The following RLN1 variants were observed in gnomAD, a reference collection of about 807,000 sequenced individuals.
RLN1 encodes the protein prorelaxin H1.
Under a neutral mutation model 7.2 loss-of-function variants are expected in RLN1, and 4 were observed. That is an observed-to-expected ratio of 0.56 (90% CI 0.28 to 1.28). The LOEUF (loss-of-function observed/expected upper bound fraction) is 1.28, where lower values mean the gene tolerates loss of function less well. Ranked by LOEUF, RLN1 falls within the 50% of genes most tolerant of loss-of-function variation. The pLI is 0.11. For missense variants in RLN1, 293 were observed against 221.1 expected (o/e 1.32, Z -2.06); for synonymous variants, 105 against 86.0 (o/e 1.22, Z -1.22).
At chr9:5,338,308 A>C (rs1218901858) in intron 1 of RLN1, among the ~76,000 whole-genome samples, 4 of 20,566 alleles carry the variant, frequency 1.9e-4, no homozygotes, top group African/African-American at 8.0e-4. Context: ...CTAATGTTAT[A>C]CAAAAGTCAT....
chr9:5,337,395 T>C (rs545306204), intron 1 of RLN1, among the ~76,000 whole-genome samples: 3 of 152,222 alleles, frequency 2.0e-5, no homozygotes, highest in East Asian at 1.9e-4. Context: ...ATAACACTTT[T>C]AGCTATGGAA....
intron 1 of RLN1, among the ~76,000 whole-genome samples, chr9:5,337,411 G>A (rs189335516): frequency 6.6e-6 from 1 of 151,986 alleles, no homozygotes; most frequent in East Asian, 1.9e-4. Flanking sequence ...TGGAACCTAG[G>A]CTCAGAGAAA....
upstream of RLN1, chr9:5,339,980 T>C (rs1422185617): frequency 2.5e-5 from 14 of 570,364 alleles, no homozygotes; most frequent in Non-Finnish European, 3.8e-5. Flanking sequence ...GTTCTGCCTC[T>C]CCGCCCTTCC....
At chr9:5,339,158 C>T in intron 1 of RLN1, 1 of 169,558 alleles carries the variant, frequency 5.9e-6, no homozygotes, top group East Asian at 1.5e-4. Context: ...CCTGGCTTTC[C>T]TGTGGGGTGC....
At position 5,335,475 on chromosome 9, in the gene RLN1, G is replaced by A. The variant is rs1305485749; in HGVS notation, c.334C>T (p.Leu112=). The A allele has an allele frequency of 6.2e-7, 1 of 1,613,260 alleles. No homozygotes were observed. The highest frequency in any genetic ancestry group is 8.5e-7 in the Non-Finnish European group (1 of 1,179,496). ...TTTAATGCAGGTACATACTGCTGTA[G>A]CTCTGGTAATGATGGTTGCCTCTCA... is the stretch of plus-strand genomic sequence containing the variant. The part of the protein sequence containing the change: ...LSERQPSLPE[L]QQYVPALKDS... Residue 112 remains leucine (L), a synonymous_variant, in exon 2 of 2, where the codon CTA becomes TTA. Coordinates refer to ENST00000223862, the MANE Select transcript of RLN1 (RefSeq NM_006911.4).
rs572471613 is a variant in RLN1, at chr9:5,335,286, C to A, written c.523G>T (p.Gly175Cys). 1.9e-6 allele frequency: 3 copies of A among 1,600,396 alleles called. No homozygotes were observed. In the East Asian group the frequency reaches 6.7e-5, roughly 36 times the overall value. ...TTAGCAAGAGACCTTTTGGTACAAC[C>A]AATTAGGCAACATTTCTCAAACAGT... ...VALFEKCCLIGCTKRSLAKYC is the reference protein window; with the variant it reads ...VALFEKCCLICCTKRSLAKYC Residue 175 changes from glycine to cysteine, a missense_variant, in exon 2 of 2, where the codon GGT (glycine) becomes TGT (cysteine). Physicochemically the swap from Gly to Cys is radical, Grantham distance 159 (BLOSUM62 -3). Coordinates refer to ENST00000223862, the MANE Select transcript of RLN1 (RefSeq NM_006911.4).
chr9:5,335,328 T>A lies in RLN1; in HGVS notation c.481A>T (p.Arg161Ter). 1 of 1,612,402 alleles carries A rather than the reference T, an allele frequency of 6.2e-7. No homozygotes were observed. The highest frequency in any genetic ancestry group is 1.1e-5 in the South Asian group (1 of 90,610). The change falls in exon 2 of 2, where the codon AGA becomes TGA. Residue 161 changes from arginine (R) to a stop codon, truncating the protein, a stop_gained. Coordinates refer to ENST00000223862, the MANE Select transcript of RLN1 (RefSeq NM_006911.4). LOFTEE classifies it low-confidence loss of function (END_TRUNC). ...TCAAACAGTGCCACGTAGGGTCGTC[T>A]CTTTTTTTGAGAATGAGTATCCAAG... ...LGLDTHSQKK[R>*]RPYVALFEKC... is the part of the protein sequence containing the mutation.
upstream of RLN1, among the ~76,000 whole-genome samples, chr9:5,340,611 T>C (rs183765543): frequency 4.9e-3 from 741 of 152,200 alleles, 4 homozygotes; most frequent in South Asian, 0.023. Flanking sequence ...AGAAATAATA[T>C]TTTGATAACA....
rs567396544 is a variant in RLN1 at position 5,335,325 on chromosome 9, G to A, written c.484C>T (p.Arg162Ter). The A allele has an allele frequency of 4.6e-5, 74 of 1,611,846 alleles. No individual in the cohort carries two copies. Among genetic ancestry groups the A allele is most frequent in the African/African-American group, 5.4e-5 (4 of 74,544 alleles). ...GLDTHSQKKRRPYVALFEKCC... is the reference protein window; with the variant it reads ...GLDTHSQKKR ...TTCTCAAACAGTGCCACGTAGGGTCGTCTCTTTTTTTGAGAATGAGTATCC... is the reference window on the plus strand; with the variant it reads ...TTCTCAAACAGTGCCACGTAGGGTCATCTCTTTTTTTGAGAATGAGTATCC... The change falls in exon 2 of 2, where the codon CGA becomes TGA. Residue 162 changes from arginine to a stop codon, truncating the protein, a stop_gained. Coordinates refer to ENST00000223862, the MANE Select transcript of RLN1 (RefSeq NM_006911.4). LOFTEE classifies it low-confidence loss of function (END_TRUNC).
rs1348178024 is a variant in RLN1 at position 5,335,529 on chromosome 9, A to C, written c.280T>G (p.Leu94Val). The change falls in exon 2 of 2, where the codon TTG (leucine) becomes GTG (valine). Residue 94 changes from leucine (L) to valine (V), a missense_variant. Coordinates refer to ENST00000223862, the MANE Select transcript of RLN1 (RefSeq NM_006911.4). ...AGGGCTGCCTTCAGCTCCGGTGGCA[A>C]ATTAGCAATGAATTCCAACATGATA... ...IIIMLEFIAN[L>V]PPELKAALSE... is the part of the protein sequence containing the mutation. 2.5e-6 allele frequency: 4 copies of C among 1,613,258 alleles called. No homozygotes were observed.
intron 1 of RLN1, among the ~76,000 whole-genome samples, chr9:5,336,493 T>A (rs1298659193): frequency 6.6e-6 from 1 of 152,180 alleles, no homozygotes; most frequent in African/African-American, 2.4e-5. Context: ...TCCATCTTTG[T>A]ACCCATTCAG....
chr9:5,336,191 T>C (rs1816888520), intron 1 of RLN1, among the ~76,000 whole-genome samples: 1 of 152,020 alleles, frequency 6.6e-6, no homozygotes, highest in African/African-American at 2.4e-5. Context: ...CAATTTGTCT[T>C]CCCCAGACTA....
chr9:5,340,429 C>T (rs1373365110), upstream of RLN1, among the ~76,000 whole-genome samples: 1 of 152,128 alleles, frequency 6.6e-6, no homozygotes, highest in Non-Finnish European at 1.5e-5. Flanking sequence ...CCTTCCACTC[C>T]TGTGGGAGAA....
In RLN1 at chr9:5,339,729, C is replaced by G. The variant is rs62638699; in HGVS notation, c.18G>C (p.Leu6Phe). 1 of 1,610,164 alleles carries G rather than the reference C, an allele frequency of 6.2e-7. No homozygotes were observed. The highest frequency in any genetic ancestry group is 1.1e-5 in the South Asian group (1 of 91,050). MPRLF[L>F]FHLLEFCLLL... The stretch of plus-strand genomic sequence containing the variant: ...GTAAACAGAATTCTAGCAGGTGGAA[C>G]AAGAACAGGCGAGGCATCCTGGGCC... Residue 6 changes from leucine to phenylalanine, a missense_variant, in exon 1 of 2, where the codon TTG becomes TTC. By Grantham distance (22) the Leu-to-Phe change is conservative. Transcript: ENST00000223862.
At position 5,339,593 on chromosome 9, in the gene RLN1, A is replaced by G. The variant is rs1329524983; in HGVS notation, c.154T>C (p.Trp52Arg). The change falls in exon 1 of 2, where the codon TGG becomes CGG. Residue 52 changes from tryptophan to arginine, a missense_variant. Coordinates refer to ENST00000223862, the MANE Select transcript of RLN1 (RefSeq NM_006911.4). ...AQIAICGMSTWSKRSLSQEDA... is the reference protein window; with the variant it reads ...AQIAICGMSTRSKRSLSQEDA... ...TCCTGGCTCAGAGACCTTTTGCTCC[A>G]GGTGCTCATGCCGCAAATGGCAATC... The G allele has an allele frequency of 5.0e-6, 8 of 1,611,164 alleles. No homozygotes were observed. In the East Asian group the frequency reaches 6.7e-5, roughly 13 times the overall value.
chr9:5,335,291 A>G lies in RLN1; in HGVS notation c.518T>C (p.Leu173Pro), dbSNP rs1361486769. 1 of 1,601,416 alleles carries G rather than the reference A, an allele frequency of 6.2e-7. No individual in the cohort carries two copies. The highest frequency in any genetic ancestry group is 8.5e-7 in the Non-Finnish European group (1 of 1,176,616). Residue 173 changes from leucine to proline, a missense_variant, in exon 2 of 2, where the codon CTA becomes CCA. Transcript: ENST00000223862. ...AAGAGACCTTTTGGTACAACCAATT[A>G]GGCAACATTTCTCAAACAGTGCCAC... ...PYVALFEKCC[L>P]IGCTKRSLAK...
At chr9:5,335,641 T>C (rs776401723) in intron 1 of RLN1, 44 bp from the exon 2 acceptor site, 24 of 1,183,528 alleles carry the variant, frequency 2.0e-5, no homozygotes, top group Non-Finnish European at 2.8e-5. Flanking sequence ...CGTATTCACG[T>C]CAAAGAGCAT....
chr9:5,339,723 G>A lies in RLN1; in HGVS notation c.24C>T (p.His8=). MPRLFLF[H]LLEFCLLLNQ... is the part of the protein sequence containing the mutation. ...TCAGTAGTAAACAGAATTCTAGCAG[G>A]TGGAACAAGAACAGGCGAGGCATCC... The change falls in exon 1 of 2, where the codon CAC becomes CAT. Residue 8 remains histidine (H), a synonymous_variant. Transcript: ENST00000223862. 1 of 1,613,436 alleles carries A rather than the reference G, an allele frequency of 6.2e-7. No individual in the cohort carries two copies. Among genetic ancestry groups the A allele is most frequent in the Non-Finnish European group, 8.5e-7 (1 of 1,180,036 alleles).
chr9:5,339,542 C>G lies in RLN1; in HGVS notation c.205G>C (p.Val69Leu), dbSNP rs1816947947. 1.9e-6 allele frequency: 3 copies of G among 1,583,266 alleles called. No individual in the cohort carries two copies. The highest frequency in any genetic ancestry group is 2.9e-5 in the African/African-American group (2 of 67,816). Residue 69 changes from valine to leucine, a missense_variant, in exon 1 of 2, where the codon GTG becomes CTG. Coordinates refer to ENST00000223862, the MANE Select transcript of RLN1 (RefSeq NM_006911.4). The stretch of plus-strand genomic sequence containing the variant: ...AGGGGGCGGGAGCTCTCACCTGCCA[C>G]TGGTCTAGGTGTCTGAGGAGCATCT... ...QEDAPQTPRP[V>L]AEIVPSFINK...
Sources: gnomAD v4.1 joint callset for allele counts (sites outside exome capture counted in the v4.1 genomes callset) on GRCh38, gnomAD v4.1.1 for gene constraint, MANE v1.5 for transcripts, NCBI Gene and HGNC (gene_info 2026-07-23, HGNC 2026-07-21) for gene names.